Variants in PANK3 observed in about 807,000 individuals in gnomAD.
The protein encoded by PANK3 is hPanK3.
Under a neutral mutation model 39.4 loss-of-function variants are expected in PANK3, and 20 were observed. The ratio of observed to expected loss-of-function variants is 0.51; its 90% CI spans 0.36 to 0.74. The LOEUF (loss-of-function observed/expected upper bound fraction) is 0.74. Among genes scored for constraint, PANK3 ranks in the 30% least tolerant of loss-of-function variants. PANK3 has a pLI of 0.00. For synonymous variants in PANK3, 140 were observed against 157.3 expected (o/e 0.89, Z 0.82); for missense variants, 265 against 437.0 (o/e 0.61, Z 3.51).
At position 168,561,529 on chromosome 5, in the gene PANK3, G is replaced by GA. The variant is rs764248161; in HGVS notation, c.813-14dup. 75 of 1,550,850 alleles carry GA rather than the reference G, an allele frequency of 4.8e-5. 1 individual carries two copies. In the East Asian group the frequency reaches 1.7e-3, roughly 35 times the overall value. ...CATATTCCCAAAACTGCAGAAAAAT[G>GA]AAAAATAAAGTCAAATCTGCTGATA... On this transcript the variant is annotated splice_polypyrimidine_tract_variant and intron_variant, in intron 4 of 6. Coordinates refer to ENST00000239231, the MANE Select transcript of PANK3 (RefSeq NM_024594.4).
chr5:168,572,873 G>C (rs1158204765), intron 1 of PANK3, among the ~76,000 whole-genome samples: 1 of 152,136 alleles, frequency 6.6e-6, no homozygotes, highest in Non-Finnish European at 1.5e-5. Flanking sequence ...CTTCGAGTGG[G>C]ATTAGGGGTG....
intron 4 of PANK3, among the ~76,000 whole-genome samples, chr5:168,562,704 C>G (rs950744032): frequency 6.6e-6 from 1 of 152,142 alleles, no homozygotes; most frequent in African/African-American, 2.4e-5. Flanking sequence ...TAGCCTTAAA[C>G]AAACAGACAA....
intron 1 of PANK3, among the ~76,000 whole-genome samples, chr5:168,573,416 C>CAAAAAAA (rs574960925): frequency 0.02 from 345 of 16,966 alleles, 54 homozygotes; most frequent in Non-Finnish European, 0.024. Flanking sequence ...CTCAGCAAGG[C>CAAAAAAA]AAAAAAAAAA....
intron 1 of PANK3, among the ~76,000 whole-genome samples, chr5:168,573,338 T>C (rs964524727): frequency 1.4e-5 from 2 of 138,574 alleles, no homozygotes; most frequent in Non-Finnish European, 3.0e-5. Context: ...TTCAATTCAA[T>C]AGACTTCAGA....
chr5:168,570,121 G>A (rs1266719785), intron 1 of PANK3, among the ~76,000 whole-genome samples: 3 of 152,102 alleles, frequency 2.0e-5, no homozygotes, highest in Admixed American at 6.6e-5. Flanking sequence ...GGTGGCTTAC[G>A]CCTGTGATCC....
At chr5:168,573,675 A>AC (rs1759685152) in intron 1 of PANK3, among the ~76,000 whole-genome samples, 1 of 46,942 alleles carries the variant, frequency 2.1e-5, no homozygotes, top group Non-Finnish European at 3.7e-5. Context: ...CCCTCCCCCC[A>AC]CCCCACAACA....
At chr5:168,562,638 A>T (rs370791629) in intron 4 of PANK3, among the ~76,000 whole-genome samples, 2 of 152,216 alleles carry the variant, frequency 1.3e-5, no homozygotes, top group East Asian at 3.8e-4. Flanking sequence ...CAATTTAAAA[A>T]GCCATGTATG....
Position 168,568,852 on chromosome 5 carries a change from C to T in PANK3, c.175G>A (p.Gly59Arg). The change falls in exon 2 of 7, where the codon GGA (glycine) becomes AGA (arginine). Residue 59 changes from glycine (G) to arginine (R), a missense_variant. Gly to Arg is a moderately radical substitution (Grantham distance 125). Coordinates refer to ENST00000239231, the MANE Select transcript of PANK3 (RefSeq NM_024594.4). ...RKYLTSNVAY[G>R]STGIRDVHLE... ...TGTACATCCCGAATGCCGGTGGATC[C>T]ATATGCCACGTTAGAAGTCAAATAT... 1 of 1,613,778 alleles carries T rather than the reference C, an allele frequency of 6.2e-7. No individual in the cohort carries two copies. The highest frequency in any genetic ancestry group is 1.1e-5 in the South Asian group (1 of 91,058).
At chr5:168,560,926 T>C (rs769854452) in intron 5 of PANK3, 1 of 520,280 alleles carries the variant, frequency 1.9e-6, no homozygotes, top group Non-Finnish European at 4.0e-6. Context: ...ACAATGCTGC[T>C]TGATCCATAT....
rs893170499 is a variant in PANK3, at chr5:168,557,290, A to C, written c.*281T>G. 4 of 405,052 alleles carry C rather than the reference A, an allele frequency of 9.9e-6. No homozygotes were observed. The highest frequency in any genetic ancestry group is 1.8e-5 in the Non-Finnish European group (4 of 224,182). 25.1% of individuals were successfully genotyped at this position (405,052 alleles called of 1,614,324 possible). A position where few individuals can be genotyped will look rare whatever the true frequency, so the allele number is the denominator to read the frequency against. On this transcript the variant is annotated 3_prime_UTR_variant, in exon 7 of 7. Transcript: ENST00000239231. ...TTTGTGTTTGAGCATACAGTACTGCAATGTTGGCTACATAAAATAAAAAAA... is the reference window on the plus strand; with the variant it reads ...TTTGTGTTTGAGCATACAGTACTGCCATGTTGGCTACATAAAATAAAAAAA...
At chr5:168,562,753 C>G (rs1318398020) in intron 4 of PANK3, among the ~76,000 whole-genome samples, 1 of 152,164 alleles carries the variant, frequency 6.6e-6, no homozygotes, top group African/African-American at 2.4e-5. Flanking sequence ...ATAAAGATAT[C>G]ATTTGTCCCT....
In PANK3 at chr5:168,579,243, G is replaced by A; in HGVS notation, c.28+13C>T. Reference sequence around the variant, plus strand: ...TGCCCTCCCAACCTGGCGGGCCCCAGCCCCCGTCTTACAGGGTTTCTTGGC... The same window carrying A: ...TGCCCTCCCAACCTGGCGGGCCCCAACCCCCGTCTTACAGGGTTTCTTGGC... On this transcript the variant is annotated intron_variant, in intron 1 of 6. Coordinates refer to ENST00000239231, the MANE Select transcript of PANK3 (RefSeq NM_024594.4). 1.3e-6 allele frequency: 2 copies of A among 1,490,288 alleles called. No individual in the cohort carries two copies. The highest frequency in any genetic ancestry group is 2.4e-5 in the Admixed American group (1 of 41,166). The allele number at this position is 1,490,288 out of a possible 1,614,324, so 92.3% of individuals were successfully genotyped here.
intron 3 of PANK3, among the ~76,000 whole-genome samples, chr5:168,565,603 C>T (rs1200243331): frequency 1.3e-5 from 2 of 151,762 alleles, no homozygotes; most frequent in African/African-American, 2.4e-5. Context: ...CTAGAAAAAA[C>T]GTTACCAGAC....
Position 168,551,369 on chromosome 5 carries a change from C to T in PANK3, c.*6202G>A, listed in dbSNP as rs1759270024. 1 of 152,150 alleles carries T rather than the reference C, an allele frequency of 6.6e-6. No homozygotes were observed. The highest frequency in any genetic ancestry group is 6.5e-5 in the Admixed American group (1 of 15,272). 9.4% of individuals were successfully genotyped at this position (152,150 alleles called of 1,614,324 possible). A position where few individuals can be genotyped will look rare whatever the true frequency, so the allele number is the denominator to read the frequency against. On this transcript the variant is annotated 3_prime_UTR_variant, in exon 7 of 7. Transcript: ENST00000239231. ...TCTAATGTTTTGTTCACACCCACCA[C>T]AAAACAGTTAAGTTAAATTCAAAAT...
chr5:168,569,495 CAA>C, intron 1 of PANK3, among the ~76,000 whole-genome samples: 1 of 151,968 alleles, frequency 6.6e-6, no homozygotes, highest in Non-Finnish European at 1.5e-5. Context: ...CTCGGCCCTT[CAA>C]AGTTTTATTA....
intron 1 of PANK3, among the ~76,000 whole-genome samples, chr5:168,570,105 G>A (rs1241338377): frequency 6.6e-6 from 1 of 152,062 alleles, no homozygotes; most frequent in Non-Finnish European, 1.5e-5. Flanking sequence ...TCTCCAGGCC[G>A]GGCGCGGTGG....
rs182834792 is a variant in PANK3 at position 168,548,819 on chromosome 5, A to T, written c.*8752T>A. 69 of 152,364 alleles carry T rather than the reference A, an allele frequency of 4.5e-4. 1 individual carries two copies. The highest frequency in any genetic ancestry group is 3.4e-3 in the Middle Eastern group (1 of 294). 9.4% of individuals were successfully genotyped at this position (152,364 alleles called of 1,614,324 possible). A position where few individuals can be genotyped will look rare whatever the true frequency, so the allele number is the denominator to read the frequency against. ...TGTTTTACAGATTACAATAGGCTAT[A>T]ACTTAGTTTATTATGAATAAAATTT... On this transcript the variant is annotated 3_prime_UTR_variant, in exon 7 of 7. Coordinates refer to ENST00000239231, the MANE Select transcript of PANK3 (RefSeq NM_024594.4).
intron 1 of PANK3, among the ~76,000 whole-genome samples, chr5:168,572,533 G>C (rs1317962149): frequency 6.7e-6 from 1 of 150,220 alleles, no homozygotes; most frequent in African/African-American, 2.5e-5. Context: ...TCTCAAGGGT[G>C]GTGAGAATTA....
intron 4 of PANK3, among the ~76,000 whole-genome samples, 166 bp from the exon 5 acceptor site, chr5:168,561,682 T>G (rs1383700003): frequency 6.7e-6 from 1 of 150,338 alleles, no homozygotes; most frequent in Non-Finnish European, 1.5e-5. Context: ...TATGCAAGAG[T>G]AAAGTAATAC....
Sources: gnomAD v4.1 joint callset for allele counts (sites outside exome capture counted in the v4.1 genomes callset) on GRCh38, gnomAD v4.1.1 for gene constraint, MANE v1.5 for transcripts, NCBI Gene and HGNC (gene_info 2026-07-23, HGNC 2026-07-21) for gene names.